XDH: variants seen among roughly 807,000 people sequenced by gnomAD.
XDH encodes xanthine dehydrogenase.
XDH carries 138 observed loss-of-function variants against 156.1 expected under a neutral mutation model. The observed-to-expected ratio is 0.88, with a 90% CI of 0.77 to 1.02. The LOEUF (loss-of-function observed/expected upper bound fraction) is 1.02, where lower values mean the gene tolerates loss of function less well. XDH is among the 50% of genes least tolerant of loss of function. The pLI is 0.00. For synonymous variants in XDH, 669 were observed against 625.7 expected (o/e 1.07, Z -1.03); for missense variants, 1,849 against 1,684.9 (o/e 1.10, Z -1.71).
chr2:31,394,307 C>A (rs1289501767), intron 6 of XDH, among the ~76,000 whole-genome samples: 1 of 152,036 alleles, frequency 6.6e-6, no homozygotes, highest in African/African-American at 2.4e-5. Context: ...ATTTTAGGTG[C>A]TTTGGTTTTT....
chr2:31,383,047 A>G lies in XDH; in HGVS notation c.992T>C (p.Leu331Pro). The change falls in exon 11 of 36, where the codon CTG becomes CCG. Residue 331 changes from leucine (L) to proline (P), a missense_variant. Leu to Pro is a moderately conservative substitution (Grantham distance 98, BLOSUM62 -3). Transcript: ENST00000379416. Reference protein sequence around the residue: ...AQKTEVFRGVLEQLRWFAGKQ... With the variant: ...AQKTEVFRGVPEQLRWFAGKQ... ...CCCAGCAAACCAGCGCAGCTGCTCC[A>G]GGACCCCTCTGAACACCTCTGTCTT... 4 of 1,614,156 alleles carry G rather than the reference A, an allele frequency of 2.5e-6. No homozygotes were observed.
In XDH at chr2:31,410,313, C is replaced by T. The variant is rs182125561; in HGVS notation, c.42+4312G>A. ...GAGGTGGACGGTGATGATGGTTGCCCAATATTATGAATGTATGTAATACCA... is the reference window on the plus strand; with the variant it reads ...GAGGTGGACGGTGATGATGGTTGCCTAATATTATGAATGTATGTAATACCA... On this transcript the variant is annotated intron_variant, in intron 1 of 35. Transcript: ENST00000379416. 1.4e-4 allele frequency among the ~76,000 whole-genome samples: 21 copies of T among 151,702 alleles called. No homozygotes were observed. In the Middle Eastern group the frequency reaches 0.014, roughly 99 times the overall value.
intron 24 of XDH, 77 bp downstream of exon 24, chr2:31,364,081 G>A (rs1430077104): frequency 2.9e-6 from 4 of 1,371,584 alleles, no homozygotes; most frequent in African/African-American, 2.9e-5. Flanking sequence ...AGGGACTGGG[G>A]AGGCCTGTGC....
intron 30 of XDH, among the ~76,000 whole-genome samples, chr2:31,346,299 C>G (rs557728548): frequency 1.1e-4 from 17 of 152,186 alleles, no homozygotes; most frequent in Admixed American, 1.0e-3. Flanking sequence ...TTCCCCAAAT[C>G]ACAGGAATGA....
chr2:31,343,285 CATATATATATAT>C (rs60481824), intron 31 of XDH, among the ~76,000 whole-genome samples: 3,862 of 68,268 alleles, frequency 0.057, 147 homozygotes, highest in African/African-American at 0.12. Flanking sequence ...ATTTCTTCAC[CATATATATATAT>C]ATATATATAT....
chr2:31,385,840 T>G (rs569726649), intron 9 of XDH, among the ~76,000 whole-genome samples: 28 of 152,294 alleles, frequency 1.8e-4, no homozygotes, highest in African/African-American at 6.0e-4. Flanking sequence ...TTCTTTACCT[T>G]ATCACATCCT....
At chr2:31,404,233 T>C (rs1036777460) in intron 2 of XDH, among the ~76,000 whole-genome samples, 15 of 152,028 alleles carry the variant, frequency 9.9e-5, no homozygotes, top group African/African-American at 3.6e-4. Context: ...CCAGCACACC[T>C]GGGAAGGTTT....
intron 4 of XDH, 105 bp downstream of exon 4, chr2:31,401,115 G>T: frequency 1.5e-6 from 2 of 1,299,124 alleles, no homozygotes; most frequent in Non-Finnish European, 2.2e-6. Context: ...ATTAAGCAGT[G>T]AAACTCTTCC....
chr2:31,339,352 C>T, intron 34 of XDH, 137 bp downstream of exon 34: 1 of 1,205,128 alleles, frequency 8.3e-7, no homozygotes, highest in Non-Finnish European at 1.2e-6. Flanking sequence ...CTACCAAGGT[C>T]AGTGTCAAAC....
At chr2:31,342,412 CT>C in intron 31 of XDH, 115 bp from the exon 32 acceptor site, 1 of 895,122 alleles carries the variant, frequency 1.1e-6, no homozygotes, top group Non-Finnish European at 1.8e-6. Context: ...TTGCATTCAG[CT>C]GTTCTCCAAA....
intron 13 of XDH, among the ~76,000 whole-genome samples, chr2:31,378,851 A>AT (rs1227408085): frequency 2.1e-4 from 27 of 127,440 alleles, no homozygotes; most frequent in African/African-American, 8.0e-4. Context: ...ATCACTCATA[A>AT]TTAAAAAAAA....
chr2:31,372,148 C>T, intron 17 of XDH, 80 bp downstream of exon 17: 1 of 1,607,066 alleles, frequency 6.2e-7, no homozygotes, highest in Non-Finnish European at 8.5e-7. Flanking sequence ...CATGGCCTAG[C>T]AGGGTGAGAG....
chr2:31,352,586 T>C (rs753570940), intron 24 of XDH, among the ~76,000 whole-genome samples: 1 of 152,228 alleles, frequency 6.6e-6, no homozygotes, highest in South Asian at 2.1e-4. Flanking sequence ...AACAATGTCA[T>C]AGCCTTCCTT....
chr2:31,341,523 G>C, intron 32 of XDH, 129 bp from the exon 33 acceptor site: 1 of 937,270 alleles, frequency 1.1e-6, no homozygotes, highest in Non-Finnish European at 1.7e-6. Context: ...GAAAGCCCTG[G>C]GTGTGCTCAG....
At chr2:31,345,894 T>G (rs1246159231) in intron 30 of XDH, among the ~76,000 whole-genome samples, 2 of 152,226 alleles carry the variant, frequency 1.3e-5, no homozygotes. Flanking sequence ...ACATTTAAAC[T>G]GCCTGATAAA....
intron 3 of XDH, 70 bp from the exon 4 acceptor site, chr2:31,401,398 C>T (rs1252127500): frequency 2.5e-5 from 38 of 1,518,222 alleles, no homozygotes; most frequent in Non-Finnish European, 3.3e-5. Flanking sequence ...TGACTGTGAG[C>T]TCTGGAGGAC....
intron 15 of XDH, among the ~76,000 whole-genome samples, chr2:31,374,999 CTTTCT>C (rs1558693966): frequency 2.9e-5 from 3 of 103,632 alleles, no homozygotes; most frequent in African/African-American, 1.4e-4. Context: ...TTTTTCCTTT[CTTTCT>C]TTCTTTCTTT....
chr2:31,411,060 G>A (rs1687329277), intron 1 of XDH, among the ~76,000 whole-genome samples: 1 of 151,980 alleles, frequency 6.6e-6, no homozygotes, highest in South Asian at 2.1e-4. Context: ...CGAGGTGGGT[G>A]GATCACAGGT....
intron 2 of XDH, among the ~76,000 whole-genome samples, 154 bp downstream of exon 2, chr2:31,405,753 G>A (rs1433284395): frequency 2.0e-5 from 3 of 152,112 alleles, no homozygotes; most frequent in Non-Finnish European, 2.9e-5. Context: ...GATTACAGGT[G>A]CAACTAAAAT....
Sources: allele counts gnomAD v4.1 joint callset (sites outside exome capture counted in the v4.1 genomes callset), GRCh38; gene constraint gnomAD v4.1.1; transcripts MANE v1.5; gene names NCBI Gene and HGNC (gene_info 2026-07-23, HGNC 2026-07-21).